The following TENM1 variants were observed in gnomAD, a reference collection of about 807,000 sequenced individuals.
The protein encoded by TENM1 is teneurin transmembrane protein 1.
Under a neutral mutation model 174.8 loss-of-function variants are expected in TENM1, and 35 were observed. That is an observed-to-expected ratio of 0.20 (90% CI 0.15 to 0.27). TENM1 has a LOEUF of 0.27. Ranked by LOEUF, TENM1 falls within the 10% of genes least tolerant of loss-of-function variation. The pLI is 1.00. For synonymous variants in TENM1, 781 were observed against 798.7 expected, an observed-to-expected ratio of 0.98 and a Z score of 0.37; for missense variants, 1,633 against 2,130.1, an observed-to-expected ratio of 0.77 and a Z score of 4.59.
the TENM1 span, among the ~76,000 whole-genome samples, chrX:125,054,474 G>A: frequency 1.8e-5 from 2 of 110,766 alleles, no homozygotes; most frequent in East Asian, 2.8e-4. Flanking sequence ...TCTCTTGTTT[G>A]AGAGATACAT....
At chrX:124,824,093 C>T (rs759540603) in intron 3 of TENM1, among the ~76,000 whole-genome samples, 1 of 111,369 alleles carries the variant, frequency 9.0e-6, no homozygotes, top group Non-Finnish European at 1.9e-5. Context: ...TGTCTTCATG[C>T]CTTCACATTT....
intron 18 of TENM1, among the ~76,000 whole-genome samples, chrX:124,514,879 T>C (rs1442463081): frequency 9.1e-6 from 1 of 110,192 alleles, no homozygotes; most frequent in Non-Finnish European, 1.9e-5. Flanking sequence ...TGCCAAAACC[T>C]GGCAGAGACA....
chrX:125,102,384 T>G, the TENM1 span, among the ~76,000 whole-genome samples: 1 of 74,258 alleles, frequency 1.3e-5, no homozygotes, highest in African/African-American at 5.2e-5. Flanking sequence ...GCTGCTTGCC[T>G]GCCCAATAAA....
the TENM1 span, among the ~76,000 whole-genome samples, chrX:125,142,948 C>A: frequency 6.3e-5 from 7 of 110,798 alleles, no homozygotes; most frequent in Non-Finnish European, 1.1e-4. Context: ...CATGGTGTAC[C>A]AAGAAGAAAA....
chrX:125,118,484 A>C, the TENM1 span, among the ~76,000 whole-genome samples: 5 of 112,108 alleles, frequency 4.5e-5, no homozygotes, highest in Admixed American at 4.8e-4. Flanking sequence ...CAAGCCATAC[A>C]CTGGGAGAAA....
chrX:125,104,630 CTT>C, the TENM1 span, among the ~76,000 whole-genome samples: 25 of 108,269 alleles, frequency 2.3e-4, no homozygotes, highest in Non-Finnish European at 2.3e-4. Flanking sequence ...AGGGAAGAGC[CTT>C]TTTTTTTAAC....
intron 11 of TENM1, among the ~76,000 whole-genome samples, chrX:124,606,634 G>T (rs2148294491): frequency 9.0e-6 from 1 of 111,348 alleles, no homozygotes; most frequent in South Asian, 3.8e-4. Flanking sequence ...CTGCTAGAAA[G>T]AGAGTAGGAG....
the TENM1 span, among the ~76,000 whole-genome samples, chrX:125,132,857 C>T: frequency 1.7e-4 from 19 of 111,459 alleles, no homozygotes; most frequent in Non-Finnish European, 2.8e-4. Context: ...CTCTGAGCTC[C>T]GGTTTACTCA....
At chrX:124,634,459 A>G (rs779345252) in intron 11 of TENM1, among the ~76,000 whole-genome samples, 1 of 111,639 alleles carries the variant, frequency 9.0e-6, no homozygotes, top group East Asian at 2.8e-4. Flanking sequence ...TGAAGATGCT[A>G]AATTCTAAAT....
At chrX:124,410,019 C>G (rs2060514869) in intron 25 of TENM1, among the ~76,000 whole-genome samples, 2 of 109,445 alleles carry the variant, frequency 1.8e-5, no homozygotes, top group Admixed American at 1.9e-4. Flanking sequence ...GAAAAAACTA[C>G]TTTAAAGTTC....
the TENM1 span, among the ~76,000 whole-genome samples, chrX:125,171,258 T>C: frequency 8.3e-3 from 913 of 110,281 alleles, 10 homozygotes; most frequent in Middle Eastern, 0.047. Context: ...AAAGTTGATA[T>C]TAAAGGTCCA....
At chrX:125,120,205 C>T in the TENM1 span, among the ~76,000 whole-genome samples, 4 of 99,454 alleles carry the variant, frequency 4.0e-5, no homozygotes, top group Admixed American at 4.7e-4. Flanking sequence ...ACAACATTTC[C>T]TATTTTTTTT....
intron 11 of TENM1, among the ~76,000 whole-genome samples, chrX:124,622,948 C>G (rs1032449719): frequency 1.5e-4 from 17 of 111,681 alleles, no homozygotes; most frequent in Non-Finnish European, 2.8e-4. Context: ...CAATTTAGGG[C>G]CTTTAAAATT....
intron 1 of TENM1, among the ~76,000 whole-genome samples, chrX:124,911,088 T>A (rs753831768): frequency 9.1e-6 from 1 of 110,168 alleles, no homozygotes; most frequent in South Asian, 3.9e-4. Flanking sequence ...GCTAATTTTT[T>A]AATTTTTTAT....
At chrX:124,401,786 A>G (rs1049679370) in intron 27 of TENM1, among the ~76,000 whole-genome samples, 1 of 111,985 alleles carries the variant, frequency 8.9e-6, no homozygotes, top group African/African-American at 3.2e-5. Context: ...AAAAATCACT[A>G]GGAATAGGGA....
intron 22 of TENM1, among the ~76,000 whole-genome samples, chrX:124,467,650 A>G (rs1331481715): frequency 1.8e-5 from 2 of 112,287 alleles, no homozygotes; most frequent in East Asian, 2.8e-4. Context: ...CATCATTTCT[A>G]TAGGAGTGAA....
intron 3 of TENM1, among the ~76,000 whole-genome samples, chrX:124,786,384 G>T (rs753601767): frequency 1.6e-4 from 18 of 111,690 alleles, no homozygotes; most frequent in Admixed American, 8.6e-4. Context: ...TAAACTTGTA[G>T]TAAATCGTTT....
At chrX:124,796,145 A>G (rs1439528066) in intron 3 of TENM1, among the ~76,000 whole-genome samples, 1 of 111,712 alleles carries the variant, frequency 9.0e-6, no homozygotes, top group East Asian at 2.8e-4. Flanking sequence ...AGAAAATTCA[A>G]AAAAAGAGCC....
At chrX:124,848,401 G>A (rs949418265) in intron 3 of TENM1, among the ~76,000 whole-genome samples, 1 of 110,720 alleles carries the variant, frequency 9.0e-6, no homozygotes, top group Non-Finnish European at 1.9e-5. Flanking sequence ...CTCCTATCAC[G>A]TTCCTAAGAG....
Sources: gnomAD v4.1 joint callset for allele counts (sites outside exome capture counted in the v4.1 genomes callset) on GRCh38, gnomAD v4.1.1 for gene constraint, MANE v1.5 for transcripts, NCBI Gene and HGNC (gene_info 2026-07-23, HGNC 2026-07-21) for gene names.